Variants in ANKRD27 observed in about 807,000 individuals in gnomAD.
The protein encoded by ANKRD27 is ankyrin repeat domain 27.
In ANKRD27, 112 loss-of-function variants were observed where a neutral mutation model predicts 129.7. The ratio of observed to expected loss-of-function variants is 0.86; its 90% CI spans 0.74 to 1.01. ANKRD27 has a LOEUF of 1.01. Among genes scored for constraint, ANKRD27 ranks in the 50% least tolerant of loss-of-function variants. The pLI, the probability that ANKRD27 is intolerant of heterozygous loss-of-function variation, is 0.00. For synonymous variants in ANKRD27, 516 were observed against 511.2 expected (o/e 1.01, Z -0.13); for missense variants, 1,258 against 1,300.5 (o/e 0.97, Z 0.50).
chr19:32,600,525 A>G (rs973559211), intron 26 of ANKRD27, among the ~76,000 whole-genome samples: 7 of 152,172 alleles, frequency 4.6e-5, no homozygotes, highest in Admixed American at 4.6e-4. Context: ...TGGGCGACAG[A>G]GCAAGACTCC....
rs1568404883 is a variant in ANKRD27, at chr19:32,626,743, AG to A, written c.1504del (p.Leu502TrpfsTer10). The A allele has an allele frequency of 6.2e-7, 1 of 1,611,984 alleles. No individual in the cohort carries two copies. The highest frequency in any genetic ancestry group is 2.2e-5 in the East Asian group (1 of 44,774). On this transcript the variant is annotated frameshift_variant, in exon 16 of 29. Transcript: ENST00000306065. LOFTEE classifies it high-confidence loss of function. ...GCTCTGGTAGCCCTTCTGACAGGCC[AG>A]GTGGAGCGGAGTGGCTCCATGGTAG... ...TDYHGATPLH[L>X]ACQKGYQSVT...
intron 21 of ANKRD27, among the ~76,000 whole-genome samples, 173 bp downstream of exon 21, chr19:32,617,416 G>A (rs1971936632): frequency 1.3e-5 from 2 of 152,024 alleles, no homozygotes; most frequent in Non-Finnish European, 2.9e-5. Context: ...GCATGGCCGC[G>A]CACAACTGTG....
At chr19:32,645,989 A>C (rs259222) in intron 4 of ANKRD27, among the ~76,000 whole-genome samples, 117,521 of 151,716 alleles carry the variant, frequency 0.77, 46,081 homozygotes, top group African/African-American at 0.9. Flanking sequence ...TCGAGTACAG[A>C]GGCGTGATCT....
At chr19:32,610,620 T>C (rs1971821333) in intron 22 of ANKRD27, among the ~76,000 whole-genome samples, 2 of 151,594 alleles carry the variant, frequency 1.3e-5, no homozygotes, top group South Asian at 4.2e-4. Context: ...GGCAAAACCC[T>C]GTCTCTACTA....
chr19:32,653,410 C>T (rs909610622), intron 2 of ANKRD27, among the ~76,000 whole-genome samples: 1 of 152,150 alleles, frequency 6.6e-6, no homozygotes, highest in African/African-American at 2.4e-5. Flanking sequence ...AGGGGCCAGT[C>T]TCCTGGTGCA....
Position 32,643,558 on chromosome 19 carries a change from G to A in ANKRD27, c.585+14C>T. Reference sequence around the variant, plus strand: ...TGCACCACAATTCTCCCTCTCAGAAGTCCTGCTGCTTACCAGGTGAGAGTC... The same window carrying A: ...TGCACCACAATTCTCCCTCTCAGAAATCCTGCTGCTTACCAGGTGAGAGTC... On this transcript the variant is annotated intron_variant, in intron 6 of 28. Coordinates refer to ENST00000306065, the MANE Select transcript of ANKRD27 (RefSeq NM_032139.3). 6.2e-7 allele frequency: 1 copy of A among 1,614,002 alleles called. No individual in the cohort carries two copies. Among genetic ancestry groups the A allele is most frequent in the Non-Finnish European group, 8.5e-7 (1 of 1,180,016 alleles).
rs984713065 is a variant in ANKRD27 at position 32,597,075 on chromosome 19, G to C, written c.*1070C>G. 1 of 152,516 alleles carries C rather than the reference G, an allele frequency of 6.6e-6. No individual in the cohort carries two copies. Among genetic ancestry groups the C allele is most frequent in the Non-Finnish European group, 1.5e-5 (1 of 68,020 alleles). The allele number at this position is 152,516 out of a possible 1,614,324, so 9.4% of individuals were successfully genotyped here. On this transcript the variant is annotated 3_prime_UTR_variant, in exon 29 of 29. Transcript: ENST00000306065. ...ATATCCAAGGCACATTAGAAAATTA[G>C]AAATCATAAATTACTTTGTAGAAAA...
In ANKRD27 at chr19:32,607,659, C is replaced by T; in HGVS notation, c.2349G>A (p.Leu783=). ...RNADQAVPLH[L]ACQQGHFQVV... ...CCTGAAAGTGGCCCTGCTGGCAGGC[C>T]AGGTGGAGCGGGACGGCTTGGTCTG... Residue 783 remains leucine, a synonymous_variant, in exon 23 of 29, where the codon CTG becomes CTA. Transcript: ENST00000306065. 1 of 1,611,668 alleles carries T rather than the reference C, an allele frequency of 6.2e-7. No individual in the cohort carries two copies. The highest frequency in any genetic ancestry group is 8.5e-7 in the Non-Finnish European group (1 of 1,179,620).
chr19:32,631,466 A>G lies in ANKRD27; in HGVS notation c.1145T>C (p.Phe382Ser). 6.2e-7 allele frequency: 1 copy of G among 1,614,134 alleles called. No individual in the cohort carries two copies. Among genetic ancestry groups the G allele is most frequent in the Non-Finnish European group, 8.5e-7 (1 of 1,180,006 alleles). Residue 382 changes from phenylalanine (F) to serine (S), a missense_variant, in exon 13 of 29, where the codon TTC becomes TCC. Transcript: ENST00000306065. ...PESEGFGDRL[F>S]LKQRMSLLSQ... The stretch of plus-strand genomic sequence containing the variant: ...GAGTAAGCTCATTCTCTGCTTAAGG[A>G]ACAGCCTGTCTCCAAATCCCTCAGA...
intron 15 of ANKRD27, among the ~76,000 whole-genome samples, 153 bp from the exon 16 acceptor site, chr19:32,626,980 T>C (rs1176339297): frequency 1.3e-5 from 2 of 152,010 alleles, no homozygotes; most frequent in African/African-American, 4.8e-5. Context: ...ACAGCTAATA[T>C]AAAGTAAGGC....
At chr19:32,609,404 G>C (rs1971800349) in intron 22 of ANKRD27, among the ~76,000 whole-genome samples, 1 of 152,088 alleles carries the variant, frequency 6.6e-6, no homozygotes. Flanking sequence ...TACAAATCCA[G>C]AAGCAGGAAA....
chr19:32,654,817 T>G (rs1967488922), intron 2 of ANKRD27, among the ~76,000 whole-genome samples: 1 of 152,196 alleles, frequency 6.6e-6, no homozygotes, highest in Non-Finnish European at 1.5e-5. Flanking sequence ...AGTCTTGCTC[T>G]GTCACCTGGG....
Position 32,619,306 on chromosome 19 carries a change from A to G in ANKRD27, c.1961T>C (p.Met654Thr). The change falls in exon 20 of 29, where the codon ATG becomes ACG. Residue 654 changes from methionine (M) to threonine (T), a missense_variant. Physicochemically the swap from Met to Thr is moderately conservative, Grantham distance 81. Coordinates refer to ENST00000306065, the MANE Select transcript of ANKRD27 (RefSeq NM_032139.3). Reference protein sequence around the residue: ...QESSTSSFSSMSASSRQEETK... With the variant: ...QESSTSSFSSTSASSRQEETK... ...CTCCTCCTGCCTTGAGCTGGCTGAC[A>G]TGGAGGAGAAGCTGGAAGTGGAGGA... 1 of 1,613,308 alleles carries G rather than the reference A, an allele frequency of 6.2e-7. No individual in the cohort carries two copies. The highest frequency in any genetic ancestry group is 8.5e-7 in the Non-Finnish European group (1 of 1,179,636).
intron 17 of ANKRD27, 132 bp from the exon 18 acceptor site, chr19:32,622,751 C>A: frequency 1.4e-6 from 1 of 731,030 alleles, no homozygotes; most frequent in East Asian, 2.5e-5. Flanking sequence ...AGTATCTGAT[C>A]AGGACACCTC....
At chr19:32,662,814 G>T (rs1233231231) in intron 1 of ANKRD27, among the ~76,000 whole-genome samples, 1 of 151,968 alleles carries the variant, frequency 6.6e-6, no homozygotes, top group Non-Finnish European at 1.5e-5. Flanking sequence ...AGGCCTAGGC[G>T]GGTGGGTCAC....
intron 26 of ANKRD27, among the ~76,000 whole-genome samples, chr19:32,600,628 A>G (rs1483667840): frequency 6.6e-6 from 1 of 152,182 alleles, no homozygotes; most frequent in Non-Finnish European, 1.5e-5. Context: ...TCCTCAACCA[A>G]TGAGTATAAT....
intron 22 of ANKRD27, chr19:32,608,310 T>A (rs1971780791): frequency 4.3e-6 from 1 of 233,174 alleles, no homozygotes; most frequent in Non-Finnish European, 8.5e-6. Context: ...TGTACCTGGC[T>A]AATTTCACTT....
chr19:32,650,747 T>TTTA lies in ANKRD27; in HGVS notation c.103-958_103-956dup, dbSNP rs1202297258. 1.0e-3 allele frequency among the ~76,000 whole-genome samples: 93 copies of TTTA among 91,176 alleles called. 2 individuals carry two copies. Among genetic ancestry groups the TTTA allele is most frequent in the Middle Eastern group, 5.2e-3 (1 of 194 alleles). The allele number at this position is 91,176 out of a possible 152,430, so 59.8% of individuals were successfully genotyped here. On this transcript the variant is annotated intron_variant, in intron 2 of 28. Transcript: ENST00000306065. ...TTCCTTCTATTCTTTTCTTTACGCT[T>TTTA]TTATTTATTTTTTTTTTTTGGAGAC...
intron 1 of ANKRD27, among the ~76,000 whole-genome samples, chr19:32,670,371 A>G (rs1322954303): frequency 1.3e-5 from 2 of 152,218 alleles, no homozygotes; most frequent in African/African-American, 4.8e-5. Flanking sequence ...TCTGTCCGAC[A>G]CTGTTCTCAA....
Sources: allele counts gnomAD v4.1 joint callset (sites outside exome capture counted in the v4.1 genomes callset), GRCh38; gene constraint gnomAD v4.1.1; transcripts MANE v1.5; gene names NCBI Gene and HGNC (gene_info 2026-07-23, HGNC 2026-07-21).